NUP205: variants seen among roughly 807,000 people sequenced by gnomAD.
NUP205 encodes nuclear pore complex protein Nup205.
A neutral mutation model predicts 253.8 loss-of-function variants in NUP205; 76 were observed. The ratio of observed to expected loss-of-function variants is 0.30; its 90% CI spans 0.25 to 0.36. The LOEUF is 0.36. Ranked by LOEUF, NUP205 falls within the 10% of genes least tolerant of loss-of-function variation. The pLI is 1.00. For missense variants in NUP205, 2,162 were observed against 2,425.5 expected (o/e 0.89, Z 2.28); for synonymous variants, 832 against 850.1 (o/e 0.98, Z 0.37).
At chr7:135,623,085 C>T (rs547920704) in intron 31 of NUP205, among the ~76,000 whole-genome samples, 160 bp downstream of exon 31, 167 of 152,224 alleles carry the variant, frequency 1.1e-3, no homozygotes, top group African/African-American at 3.4e-3. Context: ...TGAGACTAGC[C>T]TGGGCAACAT....
intron 13 of NUP205, among the ~76,000 whole-genome samples, chr7:135,596,936 G>A (rs560607262): frequency 1.4e-5 from 2 of 144,680 alleles, no homozygotes; most frequent in African/African-American, 2.6e-5. Flanking sequence ...CAGCTTGGCC[G>A]ACAGAGTGAG....
intron 7 of NUP205, among the ~76,000 whole-genome samples, chr7:135,583,831 T>G (rs995030224): frequency 1.5e-4 from 23 of 150,830 alleles, no homozygotes; most frequent in African/African-American, 2.7e-4. Flanking sequence ...ACTTTTGCTT[T>G]CTTTCTTTCT....
At chr7:135,620,258 G>A (rs547611490) in intron 30 of NUP205, among the ~76,000 whole-genome samples, 2 of 152,244 alleles carry the variant, frequency 1.3e-5, no homozygotes, top group Admixed American at 1.3e-4. Flanking sequence ...TCTCGGCCTG[G>A]CATGGTGGCT....
rs1794099137 is a variant in NUP205, at chr7:135,606,933, A to C, written c.3070+18A>C. The C allele has an allele frequency of 6.2e-7, 1 of 1,605,428 alleles. No homozygotes were observed. The highest frequency in any genetic ancestry group is 1.1e-5 in the South Asian group (1 of 90,224). Reference sequence around the variant, plus strand: ...AGATCCAGGTATAGCCTAAGACATAAAGGCATTTCTTTCCTTCCATATTTG... The same window carrying C: ...AGATCCAGGTATAGCCTAAGACATACAGGCATTTCTTTCCTTCCATATTTG... On this transcript the variant is annotated intron_variant, in intron 21 of 42. Transcript: ENST00000285968.
intron 1 of NUP205, among the ~76,000 whole-genome samples, chr7:135,570,015 A>G (rs1805898197): frequency 7.1e-6 from 1 of 141,430 alleles, no homozygotes. Flanking sequence ...TTTGAAGCAG[A>G]TGGTGTTTAT....
At chr7:135,627,434 G>A (rs1218730653) in intron 33 of NUP205, among the ~76,000 whole-genome samples, 1 of 152,146 alleles carries the variant, frequency 6.6e-6, no homozygotes, top group African/African-American at 2.4e-5. Flanking sequence ...GCCCATTGGA[G>A]CAATTTGGAT....
At chr7:135,581,665 A>G (rs1156948428) in intron 7 of NUP205, among the ~76,000 whole-genome samples, 1 of 152,146 alleles carries the variant, frequency 6.6e-6, no homozygotes, top group Non-Finnish European at 1.5e-5. Flanking sequence ...CAGACTGGCG[A>G]ACGTGGTAAA....
At chr7:135,600,043 A>G (rs1355296760) in intron 15 of NUP205, among the ~76,000 whole-genome samples, 2 of 152,206 alleles carry the variant, frequency 1.3e-5, no homozygotes, top group Non-Finnish European at 2.9e-5. Flanking sequence ...CCCATTTTCT[A>G]ACTCAACCTT....
At chr7:135,590,467 A>G (rs534449681) in intron 10 of NUP205, among the ~76,000 whole-genome samples, 7 of 152,124 alleles carry the variant, frequency 4.6e-5, no homozygotes, top group Admixed American at 1.3e-4. Context: ...AGGCAAATAC[A>G]TGAATTCTAT....
chr7:135,576,442 G>T (rs373130134), intron 4 of NUP205, 28 bp downstream of exon 4: 79 of 1,590,172 alleles, frequency 5.0e-5, no homozygotes, highest in Non-Finnish European at 6.3e-5. Flanking sequence ...GATTTCAGGG[G>T]TTAATTTGAA....
chr7:135,635,732 C>T, intron 36 of NUP205, 75 bp downstream of exon 36: 1 of 848,062 alleles, frequency 1.2e-6, no homozygotes, highest in Non-Finnish European at 1.8e-6. Context: ...CATTGTGCCC[C>T]CTAGATTTGG....
In NUP205 at chr7:135,598,138, T is replaced by C. The variant is rs763175933; in HGVS notation, c.2205T>C (p.Tyr735=). The change falls in exon 15 of 43, where the codon TAT becomes TAC. Residue 735 remains tyrosine (Y), a synonymous_variant. Coordinates refer to ENST00000285968, the MANE Select transcript of NUP205 (RefSeq NM_015135.3). ...TGCGGCCCCCTGGCTTTGACCCTTA[T>C]TTGCAGTTCCTTAGAGACTCTGTGT... ...AGLRPPGFDP[Y]LQFLRDSVFL... is the part of the protein sequence containing the mutation. 11 of 1,614,056 alleles carry C rather than the reference T, an allele frequency of 6.8e-6. No individual in the cohort carries two copies. Among genetic ancestry groups the C allele is most frequent in the South Asian group, 1.1e-5 (1 of 91,090 alleles).
intron 40 of NUP205, 64 bp from the exon 41 acceptor site, chr7:135,645,404 C>A: frequency 6.5e-7 from 1 of 1,544,784 alleles, no homozygotes. Context: ...TTCTTCTCCT[C>A]CGAAACTGGT....
chr7:135,626,278 A>C lies in NUP205; in HGVS notation c.4710A>C (p.Ala1570=). ...GAGTGGCAAAGATACAGCAGGGTGC[A>C]TTAGAGCTGCTAAGATCAGGGGTGA... is the stretch of plus-strand genomic sequence containing the variant. The part of the protein sequence containing the change: ...LTRVAKIQQG[A]LELLRSGVIV... Residue 1570 remains alanine (A), a synonymous_variant, in exon 33 of 43, where the codon GCA becomes GCC. Coordinates refer to ENST00000285968, the MANE Select transcript of NUP205 (RefSeq NM_015135.3). The C allele has an allele frequency of 6.2e-7, 1 of 1,614,188 alleles. No homozygotes were observed. The highest frequency in any genetic ancestry group is 8.5e-7 in the Non-Finnish European group (1 of 1,180,008).
At position 135,564,649 on chromosome 7, in the gene NUP205, A is replaced by G. The variant is rs546218371; in HGVS notation, c.29-6456A>G. On this transcript the variant is annotated intron_variant, in intron 1 of 42. Coordinates refer to ENST00000285968, the MANE Select transcript of NUP205 (RefSeq NM_015135.3). ...GAACCTTGCTTGGGAGGCCTACCTC[A>G]GCCTCTCAAAGTGCTAGGATTACAG... 1.8e-4 allele frequency among the ~76,000 whole-genome samples: 27 copies of G among 151,686 alleles called. 1 individual carries two copies. Among genetic ancestry groups the G allele is most frequent in the African/African-American group, 6.1e-4 (25 of 41,248 alleles).
intron 36 of NUP205, 104 bp from the exon 37 acceptor site, chr7:135,637,827 A>G (rs1247034385): frequency 1.9e-6 from 2 of 1,058,864 alleles, no homozygotes; most frequent in Non-Finnish European, 2.7e-6. Flanking sequence ...TAGATGCCTT[A>G]AGGACTGATT....
At chr7:135,609,677 C>T (rs916435983) in intron 22 of NUP205, among the ~76,000 whole-genome samples, 1 of 152,022 alleles carries the variant, frequency 6.6e-6, no homozygotes, top group African/African-American at 2.4e-5. Context: ...CATCACTAAC[C>T]TCTTAGTGTT....
chr7:135,622,958 A>G, intron 31 of NUP205, 33 bp downstream of exon 31: 1 of 1,605,112 alleles, frequency 6.2e-7, no homozygotes, highest in Middle Eastern at 1.7e-4. Flanking sequence ...TTATAATTGA[A>G]TAAGTATTTT....
intron 22 of NUP205, among the ~76,000 whole-genome samples, chr7:135,608,277 G>T (rs964117459): frequency 6.6e-6 from 1 of 152,058 alleles, no homozygotes; most frequent in Non-Finnish European, 1.5e-5. Context: ...ACCTGCCTCG[G>T]TCTCCCAAAG....
Sources: allele counts gnomAD v4.1 joint callset (sites outside exome capture counted in the v4.1 genomes callset), GRCh38; gene constraint gnomAD v4.1.1; transcripts MANE v1.5; gene names NCBI Gene and HGNC (gene_info 2026-07-23, HGNC 2026-07-21).